Variants in NTNG1 observed in about 807,000 individuals in gnomAD.
NTNG1 encodes netrin G1.
A neutral mutation model predicts 54.0 loss-of-function variants in NTNG1; 16 were observed. That is an observed-to-expected ratio of 0.30 (90% confidence interval 0.20 to 0.45). The LOEUF (loss-of-function observed/expected upper bound fraction) is 0.45. Among genes scored for constraint, NTNG1 ranks in the 20% least tolerant of loss-of-function variants. The pLI is 1.00. For missense variants in NTNG1, 530 were observed against 678.7 expected (o/e 0.78, Z 2.43); for synonymous variants, 255 against 263.1 (o/e 0.97, Z 0.30).
chr1:107,381,023 T>C (rs894910755), intron 3 of NTNG1, among the ~76,000 whole-genome samples: 45 of 152,292 alleles, frequency 3.0e-4, no homozygotes, highest in African/African-American at 1.0e-3. Flanking sequence ...TGCTCAGAAA[T>C]AGTAAAAACT....
At position 107,405,332 on chromosome 1, in the gene NTNG1, T is replaced by C. The variant is rs575437148; in HGVS notation, c.1061-2350T>C. ...AATCTTTTCTAAGCAATTCCCATTT[T>C]ACAGCAGAGGAATAGAAAAAATGAC... On this transcript the variant is annotated intron_variant, in intron 4 of 7. Coordinates refer to ENST00000370068, the MANE Select transcript of NTNG1 (RefSeq NM_001113226.3). Among the ~76,000 whole-genome samples, 5 of 152,312 alleles carry C rather than the reference T, an allele frequency of 3.3e-5. No homozygotes were observed. In the East Asian group the frequency reaches 9.7e-4, roughly 29 times the overall value.
intron 2 of NTNG1, among the ~76,000 whole-genome samples, chr1:107,232,846 T>G (rs571611478): frequency 1.3e-5 from 2 of 152,152 alleles, no homozygotes; most frequent in Non-Finnish European, 2.9e-5. Flanking sequence ...GCATAGACAT[T>G]ATCTGATAAT....
At position 107,258,725 on chromosome 1, in the gene NTNG1, T is replaced by C. The variant is rs1045762281; in HGVS notation, c.247-65557T>C. ...CAGGGTCCATCTCCACAGGGTACAA[T>C]TGGCCACTTCACTGAATGCCTTTGA... On this transcript the variant is annotated intron_variant, in intron 2 of 7. Transcript: ENST00000370068. Among the ~76,000 whole-genome samples the C allele has an allele frequency of 9.2e-5, 14 of 152,302 alleles. No homozygotes were observed. The Middle Eastern group carries it at 0.01, about 111-fold the overall frequency.
chr1:107,188,218 C>T (rs1657619633), intron 2 of NTNG1, among the ~76,000 whole-genome samples: 1 of 152,030 alleles, frequency 6.6e-6, no homozygotes, highest in Non-Finnish European at 1.5e-5. Flanking sequence ...ATTTGTAGAA[C>T]TTGGTGGGAC....
chr1:107,264,132 T>C (rs536851418), intron 2 of NTNG1, among the ~76,000 whole-genome samples: 1 of 152,160 alleles, frequency 6.6e-6, no homozygotes, highest in African/African-American at 2.4e-5. Flanking sequence ...TTCTTGCCTG[T>C]AGAATACACA....
intron 2 of NTNG1, among the ~76,000 whole-genome samples, chr1:107,210,745 C>T (rs1006199930): frequency 3.3e-5 from 5 of 152,146 alleles, no homozygotes; most frequent in East Asian, 3.9e-4. Context: ...AAATTCTAAT[C>T]TCTCACCCTA....
At chr1:107,407,003 C>T (rs996862345) in intron 4 of NTNG1, among the ~76,000 whole-genome samples, 2 of 152,158 alleles carry the variant, frequency 1.3e-5, no homozygotes, top group Admixed American at 1.3e-4. Context: ...AATGGCTTCT[C>T]TACCTTAGCA....
At chr1:107,168,324 C>T (rs1255323619) in intron 2 of NTNG1, among the ~76,000 whole-genome samples, 1 of 151,818 alleles carries the variant, frequency 6.6e-6, no homozygotes, top group Non-Finnish European at 1.5e-5. Context: ...TTTCAGGAAG[C>T]TGTAAAATTA....
chr1:107,320,661 C>CTT, intron 2 of NTNG1, among the ~76,000 whole-genome samples: 1 of 133,092 alleles, frequency 7.5e-6, no homozygotes, highest in Admixed American at 7.5e-5. Flanking sequence ...CACCTTTCAT[C>CTT]TTTTTTTTTT....
chr1:107,444,264 C>A (rs549200361), intron 7 of NTNG1, among the ~76,000 whole-genome samples: 2 of 152,174 alleles, frequency 1.3e-5, no homozygotes, highest in East Asian at 3.9e-4. Flanking sequence ...ACATCAGGGA[C>A]CTGATGCTAC....
intron 3 of NTNG1, among the ~76,000 whole-genome samples, chr1:107,333,607 G>A (rs1229660885): frequency 6.6e-6 from 1 of 150,744 alleles, no homozygotes; most frequent in Non-Finnish European, 1.5e-5. Flanking sequence ...TGGACTCTTT[G>A]TAAGATTGAA....
intron 2 of NTNG1, among the ~76,000 whole-genome samples, chr1:107,152,358 C>T (rs1470696417): frequency 6.6e-6 from 1 of 152,058 alleles, no homozygotes; most frequent in Non-Finnish European, 1.5e-5. Context: ...TTTCAATTTG[C>T]ATAAAGAGCA....
chr1:107,325,712 A>C (rs1047722350), intron 3 of NTNG1, among the ~76,000 whole-genome samples: 7 of 152,064 alleles, frequency 4.6e-5, no homozygotes, highest in African/African-American at 1.7e-4. Flanking sequence ...CCAGCTTTTT[A>C]AGTGTGGTAT....
At chr1:107,353,686 C>A (rs1243872853) in intron 3 of NTNG1, among the ~76,000 whole-genome samples, 1 of 152,166 alleles carries the variant, frequency 6.6e-6, no homozygotes, top group East Asian at 1.9e-4. Flanking sequence ...TGCCCCACTC[C>A]TGAATACCAA....
chr1:107,148,437 T>C lies in NTNG1; in HGVS notation c.-157T>C, dbSNP rs1027278507. The C allele has an allele frequency of 3.0e-6, 2 of 658,068 alleles. No homozygotes were observed. Among genetic ancestry groups the C allele is most frequent in the East Asian group, 2.7e-5 (1 of 37,704 alleles). The allele number at this position is 658,068 out of a possible 1,614,324, so 40.8% of individuals were successfully genotyped here. A position where few individuals can be genotyped will look rare whatever the true frequency, so the allele number is the denominator to read the frequency against. ...ACTCTTCATATTTGGTTTTGGGATC[T>C]GCTTTGAGGTCCCATCTTCATTTAA... On this transcript the variant is annotated 5_prime_UTR_variant, in exon 2 of 8. Transcript: ENST00000370068.
intron 2 of NTNG1, among the ~76,000 whole-genome samples, chr1:107,281,106 C>G (rs2101727117): frequency 6.6e-6 from 1 of 152,232 alleles, no homozygotes; most frequent in African/African-American, 2.4e-5. Flanking sequence ...CCTCTTATAG[C>G]ACATTCTGGT....
chr1:107,268,892 T>A (rs1271069941), intron 2 of NTNG1, among the ~76,000 whole-genome samples: 1 of 152,130 alleles, frequency 6.6e-6, no homozygotes, highest in Non-Finnish European at 1.5e-5. Flanking sequence ...CACATCCAAT[T>A]TATCAACAGA....
chr1:107,147,733 G>T (rs1654233349), intron 1 of NTNG1, among the ~76,000 whole-genome samples: 1 of 152,150 alleles, frequency 6.6e-6, no homozygotes. Context: ...TCTCTTGGAA[G>T]ATTTTCTAGC....
At chr1:107,415,570 T>C (rs1476964989) in intron 5 of NTNG1, among the ~76,000 whole-genome samples, 1 of 152,126 alleles carries the variant, frequency 6.6e-6, no homozygotes, top group Non-Finnish European at 1.5e-5. Context: ...GGATCAGACG[T>C]GTCATCTTCT....
Sources: gnomAD v4.1 joint callset for allele counts (sites outside exome capture counted in the v4.1 genomes callset) on GRCh38, gnomAD v4.1.1 for gene constraint, MANE v1.5 for transcripts, NCBI Gene and HGNC (gene_info 2026-07-23, HGNC 2026-07-21) for gene names.